Variants in KAT6A observed in about 807,000 individuals in gnomAD.
KAT6A encodes the protein lysine acetyltransferase 6A.
In KAT6A, 9 loss-of-function variants were observed where a neutral mutation model predicts 198.4. The ratio of observed to expected loss-of-function variants is 0.05; its 90% CI spans 0.03 to 0.08. The LOEUF (loss-of-function observed/expected upper bound fraction) is 0.08. Among genes scored for constraint, KAT6A ranks in the 10% least tolerant of loss-of-function variants. The pLI is 1.00. For synonymous variants in KAT6A, 890 were observed against 883.0 expected, an observed-to-expected ratio of 1.01 and a Z score of -0.14; for missense variants, 2,077 against 2,509.9, an observed-to-expected ratio of 0.83 and a Z score of 3.69.
chr8:42,046,549 G>C (rs765377043), intron 2 of KAT6A, among the ~76,000 whole-genome samples: 3 of 152,058 alleles, frequency 2.0e-5, no homozygotes, highest in African/African-American at 7.2e-5. Context: ...ATAAATAAAA[G>C]CAAACAGGTG....
chr8:41,965,715 T>C (rs1471697271), intron 8 of KAT6A, among the ~76,000 whole-genome samples: 1 of 152,176 alleles, frequency 6.6e-6, no homozygotes, highest in Non-Finnish European at 1.5e-5. Context: ...GGAACATCTG[T>C]TGGGCAATGG....
intron 9 of KAT6A, among the ~76,000 whole-genome samples, chr8:41,950,496 C>T (rs977111285): frequency 2.6e-5 from 4 of 152,164 alleles, no homozygotes; most frequent in Admixed American, 2.0e-4. Context: ...CTTACATGTG[C>T]TAAATTCTCA....
intron 2 of KAT6A, among the ~76,000 whole-genome samples, chr8:42,005,696 T>C (rs1275385704): frequency 1.3e-5 from 2 of 152,032 alleles, no homozygotes; most frequent in African/African-American, 2.4e-5. Context: ...CTTCCACACA[T>C]GCTGTTACTA....
At chr8:42,039,834 C>T (rs958730560) in intron 2 of KAT6A, among the ~76,000 whole-genome samples, 40 of 151,740 alleles carry the variant, frequency 2.6e-4, no homozygotes, top group Non-Finnish European at 1.3e-4. Flanking sequence ...CCCGGGTTCA[C>T]GCCATTCTCC....
intron 8 of KAT6A, among the ~76,000 whole-genome samples, chr8:41,960,119 G>C (rs1270656799): frequency 7.1e-6 from 1 of 140,558 alleles, no homozygotes; most frequent in Non-Finnish European, 1.6e-5. Context: ...AAAGGCAGAA[G>C]ACAGAATGAT....
chr8:41,965,257 G>A (rs1823414207), intron 8 of KAT6A, among the ~76,000 whole-genome samples: 1 of 152,042 alleles, frequency 6.6e-6, no homozygotes, highest in Non-Finnish European at 1.5e-5. Context: ...CTTTATTTAC[G>A]AACGCTAACA....
At chr8:41,976,345 TTTAA>T (rs1222346052) in intron 7 of KAT6A, among the ~76,000 whole-genome samples, 13 of 152,250 alleles carry the variant, frequency 8.5e-5, no homozygotes, top group Admixed American at 3.9e-4. Flanking sequence ...TATTTTAAGC[TTTAA>T]TTTATTGGAC....
At chr8:41,957,155 T>C (rs771071107) in intron 8 of KAT6A, 2 of 597,166 alleles carry the variant, frequency 3.3e-6, no homozygotes, top group Non-Finnish European at 6.7e-6. Flanking sequence ...GTACAGCTGT[T>C]TGCACATCAC....
chr8:41,934,897 G>A, intron 16 of KAT6A, 30 bp from the exon 17 acceptor site: 1 of 1,524,308 alleles, frequency 6.6e-7, no homozygotes, highest in South Asian at 1.3e-5. Context: ...AACAAAGACA[G>A]GTTACAAGGT....
chr8:41,932,964 G>A lies in KAT6A; in HGVS notation c.5256C>T (p.Ser1752=). 1.2e-6 allele frequency: 2 copies of A among 1,614,182 alleles called. No homozygotes were observed. The highest frequency in any genetic ancestry group is 2.2e-5 in the East Asian group (1 of 44,890). The change falls in exon 17 of 17, where the codon AGC becomes AGT. Residue 1752 remains serine, a synonymous_variant. Coordinates refer to ENST00000265713, the MANE Select transcript of KAT6A (RefSeq NM_006766.5). ...GSYSQPSATF[S]LAKLQQLTNT... is the part of the protein sequence containing the mutation. ...TGGTCAGCTGCTGCAGCTTGGCTAG[G>A]CTGAAGGTGGCTGATGGTTGAGAGT...
rs75283259 is a variant in KAT6A, at chr8:41,939,706, G to A, written c.3039+1136C>T. On this transcript the variant is annotated intron_variant, in intron 15 of 16. Transcript: ENST00000265713. ...CATTCTCAAAACTATGAAGGCCATC[G>A]AAACTAAGGAAATTCTGAGAAACTA... Among the ~76,000 whole-genome samples the A allele has an allele frequency of 2.5e-3, 387 of 152,226 alleles. 2 individuals are homozygous for A. The highest frequency in any genetic ancestry group is 9.0e-3 in the African/African-American group (373 of 41,516).
At chr8:41,966,856 A>T (rs1020917633) in intron 8 of KAT6A, among the ~76,000 whole-genome samples, 2 of 152,188 alleles carry the variant, frequency 1.3e-5, no homozygotes, top group African/African-American at 4.8e-5. Context: ...GATTAAGGGT[A>T]CAGAATTAGA....
intron 9 of KAT6A, among the ~76,000 whole-genome samples, chr8:41,951,990 C>A (rs1176777940): frequency 6.6e-6 from 1 of 152,164 alleles, no homozygotes; most frequent in Non-Finnish European, 1.5e-5. Flanking sequence ...ATACACTGTA[C>A]TGTCTGGGAC....
intron 8 of KAT6A, among the ~76,000 whole-genome samples, chr8:41,969,766 G>T (rs1823684491): frequency 6.6e-6 from 1 of 151,040 alleles, no homozygotes; most frequent in African/African-American, 2.5e-5. Flanking sequence ...TATTTCCCCA[G>T]CTTCACCTTA....
intron 2 of KAT6A, among the ~76,000 whole-genome samples, chr8:42,036,648 T>C (rs1317487048): frequency 6.6e-5 from 10 of 151,926 alleles, no homozygotes; most frequent in African/African-American, 2.4e-4. Flanking sequence ...TGGCTGGAGT[T>C]TGCCAACATG....
At chr8:41,999,028 G>C (rs572126024) in intron 2 of KAT6A, among the ~76,000 whole-genome samples, 15 of 152,048 alleles carry the variant, frequency 9.9e-5, no homozygotes, top group African/African-American at 3.6e-4. Flanking sequence ...TCTACAATTA[G>C]ACATCAATAA....
rs1064794000 is a variant in KAT6A at position 41,933,575 on chromosome 8, C to T, written c.4645G>A (p.Gly1549Ser). The change falls in exon 17 of 17, where the codon GGC becomes AGC. Residue 1549 changes from glycine to serine, a missense_variant. By Grantham distance (56) the Gly-to-Ser change is moderately conservative (BLOSUM62 0). Transcript: ENST00000265713. The surrounding 1 kb of genome is among the most constrained non-coding windows in gnomAD (Gnocchi z 6.2). ...TCAATGCTGCCCAGGTCACTGAAGC[C>T]GCTGTCCACCACCTGCTGAGAGTGG... is the stretch of plus-strand genomic sequence containing the variant. The part of the protein sequence containing the change: ...SDHSQQVVDS[G>S]FSDLGSIEST... 6.2e-7 allele frequency: 1 copy of T among 1,614,116 alleles called. No homozygotes were observed. Among genetic ancestry groups the T allele is most frequent in the Non-Finnish European group, 8.5e-7 (1 of 1,180,032 alleles).
Position 41,929,630 on chromosome 8 carries a change from A to C in KAT6A, c.*2575T>G. 1 of 193,738 alleles carries C rather than the reference A, an allele frequency of 5.2e-6. No homozygotes were observed. The highest frequency in any genetic ancestry group is 8.1e-5 in the East Asian group (1 of 12,360). The allele number at this position is 193,738 out of a possible 1,614,324, so 12.0% of individuals were successfully genotyped here. A position where few individuals can be genotyped will look rare whatever the true frequency, so the allele number is the denominator to read the frequency against. On this transcript the variant is annotated 3_prime_UTR_variant, in exon 17 of 17. Transcript: ENST00000265713. ...GAGCGCGTGACATGGAGAGATACAAAGGCATCTAGGCACCCCTTCCCCTTA... is the reference window on the plus strand; with the variant it reads ...GAGCGCGTGACATGGAGAGATACAACGGCATCTAGGCACCCCTTCCCCTTA...
chr8:42,007,130 A>G (rs7004956), intron 2 of KAT6A, among the ~76,000 whole-genome samples: 460 of 152,306 alleles, frequency 3.0e-3, no homozygotes, highest in African/African-American at 0.01. Context: ...AATAGGAAAT[A>G]CCGTGTGCTG....
Sources: gnomAD v4.1 joint callset for allele counts (sites outside exome capture counted in the v4.1 genomes callset) on GRCh38, gnomAD v4.1.1 for gene constraint, Gnocchi (gnomAD v3.1) non-coding constraint, MANE v1.5 for transcripts, NCBI Gene and HGNC (gene_info 2026-07-23, HGNC 2026-07-21) for gene names.